BAZ2B: variants seen among roughly 807,000 people sequenced by gnomAD.
The protein encoded by BAZ2B is bromodomain adjacent to zinc finger domain 2B, also known as bromodomain adjacent to zinc finger domain protein 2B.
BAZ2B carries 91 observed loss-of-function variants against 246.0 expected under a neutral mutation model. That is an observed-to-expected ratio of 0.37 (90% confidence interval 0.31 to 0.44). The LOEUF (loss-of-function observed/expected upper bound fraction) is 0.44. Among genes scored for constraint, BAZ2B ranks in the 20% least tolerant of loss-of-function variants. The pLI, the probability that BAZ2B is intolerant of heterozygous loss-of-function variation, is 1.00. For missense variants in BAZ2B, 2,332 were observed against 2,533.7 expected (o/e 0.92, Z 1.71); for synonymous variants, 855 against 860.0 (o/e 0.99, Z 0.10).
chr2:159,372,872 G>A (rs1256289167), intron 27 of BAZ2B, among the ~76,000 whole-genome samples, 173 bp downstream of exon 27: 2 of 152,238 alleles, frequency 1.3e-5, no homozygotes, highest in East Asian at 3.8e-4. Flanking sequence ...CAAGGGCTAG[G>A]AGGAAGTGTG....
intron 3 of BAZ2B, chr2:159,459,420 T>C (rs1210018464): frequency 1.3e-5 from 2 of 152,218 alleles, no homozygotes; most frequent in Non-Finnish European, 2.9e-5. Flanking sequence ...TTTGCTCCAA[T>C]TGCAAAAGTC....
At chr2:159,336,684 G>A (rs1156871520) in intron 33 of BAZ2B, among the ~76,000 whole-genome samples, 6 of 152,140 alleles carry the variant, frequency 3.9e-5, no homozygotes, top group Admixed American at 3.3e-4. Context: ...GATGGAATGT[G>A]GGAGACAACT....
Position 159,426,881 on chromosome 2 carries a change from C to T in BAZ2B, c.2466+1060G>A, listed in dbSNP as rs536480370. Reference sequence around the variant, plus strand: ...AAGGGTAAGATAGGATAGAAAAGCTCCCTATTCACAAAGAAAATATTAATT... The same window carrying T: ...AAGGGTAAGATAGGATAGAAAAGCTTCCTATTCACAAAGAAAATATTAATT... On this transcript the variant is annotated intron_variant, in intron 13 of 36. Coordinates refer to ENST00000392783, the MANE Select transcript of BAZ2B (RefSeq NM_013450.4). Among the ~76,000 whole-genome samples the T allele has an allele frequency of 3.3e-5, 5 of 152,144 alleles. No individual in the cohort carries two copies. In the East Asian group the frequency reaches 7.7e-4, roughly 23 times the overall value.
At chr2:159,499,403 T>C (rs1170183203) in intron 2 of BAZ2B, among the ~76,000 whole-genome samples, 2 of 152,198 alleles carry the variant, frequency 1.3e-5, no homozygotes, top group African/African-American at 4.8e-5. Context: ...TGTACCACAT[T>C]TTCTTTATCC....
chr2:159,652,360 C>G, the BAZ2B span, among the ~76,000 whole-genome samples: 1 of 152,064 alleles, frequency 6.6e-6, no homozygotes, highest in Non-Finnish European at 1.5e-5. Flanking sequence ...TAGGCGCGTG[C>G]CACAACACCT....
chr2:159,557,141 C>CT (rs35808640), intron 1 of BAZ2B, among the ~76,000 whole-genome samples: 55,122 of 132,074 alleles, frequency 0.42, 11,878 homozygotes, highest in South Asian at 0.56. Flanking sequence ...TACTTCTATT[C>CT]TTTTTTTTTT....
At chr2:159,528,975 TG>T (rs1409256796) in intron 2 of BAZ2B, among the ~76,000 whole-genome samples, 3 of 16,966 alleles carry the variant, frequency 1.8e-4, no homozygotes, top group South Asian at 2.4e-3. Flanking sequence ...GGGGTGGGGG[TG>T]GGGGGAGGGA....
At chr2:159,549,213 G>A (rs554456819) in intron 2 of BAZ2B, among the ~76,000 whole-genome samples, 21 of 152,194 alleles carry the variant, frequency 1.4e-4, no homozygotes, top group East Asian at 3.9e-4. Context: ...CCTGGGAGGC[G>A]GAGGCTGCAG....
the BAZ2B span, among the ~76,000 whole-genome samples, chr2:159,664,033 G>A: frequency 6.4e-5 from 4 of 62,882 alleles, no homozygotes; most frequent in Admixed American, 1.8e-4. Flanking sequence ...CCCCTCCCCC[G>A]ACCCCACCAC....
At chr2:159,556,718 T>A (rs916124079) in intron 1 of BAZ2B, among the ~76,000 whole-genome samples, 1 of 152,114 alleles carries the variant, frequency 6.6e-6, no homozygotes, top group Non-Finnish European at 1.5e-5. Flanking sequence ...TACTTTGACC[T>A]CCCAAAGTGC....
intron 3 of BAZ2B, chr2:159,459,916 T>C (rs1418274692): frequency 1.3e-5 from 2 of 152,094 alleles, no homozygotes; most frequent in African/African-American, 2.4e-5. Flanking sequence ...AATTATACCA[T>C]AAAATAATAT....
the BAZ2B span, among the ~76,000 whole-genome samples, chr2:159,631,005 G>A: frequency 5.3e-5 from 8 of 152,042 alleles, no homozygotes; most frequent in Admixed American, 5.2e-4. Flanking sequence ...ACCAGCCTCG[G>A]CAACGTGGTG....
chr2:159,488,779 G>GA (rs1464010060), intron 2 of BAZ2B, among the ~76,000 whole-genome samples: 2 of 152,052 alleles, frequency 1.3e-5, no homozygotes, highest in African/African-American at 4.8e-5. Context: ...GATCAACAAT[G>GA]AAATGAGCTA....
chr2:159,458,981 T>C (rs1331175787), intron 3 of BAZ2B: 2 of 152,220 alleles, frequency 1.3e-5, no homozygotes, highest in African/African-American at 2.4e-5. Flanking sequence ...TTCTCACTGC[T>C]GTATTTTTGG....
At chr2:159,465,578 A>T (rs555700830) in intron 3 of BAZ2B, among the ~76,000 whole-genome samples, 2 of 152,340 alleles carry the variant, frequency 1.3e-5, no homozygotes, top group Non-Finnish European at 2.9e-5. Flanking sequence ...ACTTGTGATC[A>T]AACCTTTCAT....
intron 27 of BAZ2B, among the ~76,000 whole-genome samples, chr2:159,364,297 GATT>G (rs1165386732): frequency 6.6e-6 from 1 of 152,186 alleles, no homozygotes; most frequent in East Asian, 1.9e-4. Flanking sequence ...ATGGCTGAAA[GATT>G]AGAATTACAA....
chr2:159,346,511 C>A (rs1351475460), intron 31 of BAZ2B, among the ~76,000 whole-genome samples: 1 of 152,048 alleles, frequency 6.6e-6, no homozygotes, highest in South Asian at 2.1e-4. Flanking sequence ...TTGAGACCAG[C>A]CTGGCCAACG....
At position 159,432,912 on chromosome 2, in the gene BAZ2B, T is replaced by A. The variant is rs559308067; in HGVS notation, c.1745A>T (p.His582Leu). 116 of 1,614,124 alleles carry A rather than the reference T, an allele frequency of 7.2e-5. 1 individual carries two copies. The South Asian group carries it at 1.3e-3, about 17-fold the overall frequency. ...TTGTTCCACTAAAGATTTTGCAGGA[T>A]GGGAGTGATGCTGTGTTTTTACTGG... is the stretch of plus-strand genomic sequence containing the variant. ...VNPVKTQHHS[H>L]PAKSLVEQFR... The change falls in exon 9 of 37, where the codon CAT becomes CTT. Residue 582 changes from histidine (H) to leucine (L), a missense_variant. By Grantham distance (99) the His-to-Leu change is moderately conservative. Coordinates refer to ENST00000392783, the MANE Select transcript of BAZ2B (RefSeq NM_013450.4).
intron 27 of BAZ2B, among the ~76,000 whole-genome samples, chr2:159,366,584 C>T (rs374790694): frequency 1.3e-5 from 2 of 152,332 alleles, no homozygotes; most frequent in African/African-American, 4.8e-5. Context: ...GAATAGTCAC[C>T]TACGAAGCTG....
Sources: gnomAD v4.1 joint callset for allele counts (sites outside exome capture counted in the v4.1 genomes callset) on GRCh38, gnomAD v4.1.1 for gene constraint, MANE v1.5 for transcripts, NCBI Gene and HGNC (gene_info 2026-07-23, HGNC 2026-07-21) for gene names.